The following CD247 variants were observed in gnomAD, a reference collection of about 807,000 sequenced individuals.
CD247 encodes the protein T-cell surface glycoprotein CD3 zeta chain.
In CD247, 13 loss-of-function variants were observed where a neutral mutation model predicts 30.0. That is an observed-to-expected ratio of 0.43 (90% CI 0.28 to 0.69). The LOEUF (loss-of-function observed/expected upper bound fraction) is 0.69, where lower values mean the gene tolerates loss of function less well. Among genes scored for constraint, CD247 ranks in the 30% least tolerant of loss-of-function variants. CD247 has a pLI of 0.16. For missense variants in CD247, 193 were observed against 212.6 expected (o/e 0.91, Z 0.57); for synonymous variants, 72 against 80.0 (o/e 0.90, Z 0.53).
intron 1 of CD247, chr1:167,457,292 G>C (rs535914079): frequency 1.3e-5 from 2 of 152,466 alleles, no homozygotes; most frequent in Admixed American, 1.3e-4. Context: ...GGACCTGGGC[G>C]CTCTGTAGCA....
chr1:167,495,216 G>A (rs564263495), intron 1 of CD247, among the ~76,000 whole-genome samples: 32 of 152,184 alleles, frequency 2.1e-4, no homozygotes, highest in Admixed American at 1.2e-3. Context: ...TGTGGTCTAC[G>A]ATATGTTACA....
intron 1 of CD247, among the ~76,000 whole-genome samples, chr1:167,505,262 CT>C (rs1469992771): frequency 6.6e-6 from 1 of 152,086 alleles, no homozygotes; most frequent in Non-Finnish European, 1.5e-5. Context: ...TCCTGAGTAG[CT>C]TTTTTTGTTG....
At chr1:167,438,834 G>A (rs79939937) in intron 3 of CD247, among the ~76,000 whole-genome samples, 184 bp from the exon 4 acceptor site, 1 of 152,082 alleles carries the variant, frequency 6.6e-6, no homozygotes, top group African/African-American at 2.4e-5. Flanking sequence ...CAGAGAACAC[G>A]CCTTAACATG....
chr1:167,500,238 G>A (rs1654849053), intron 1 of CD247, among the ~76,000 whole-genome samples: 1 of 152,200 alleles, frequency 6.6e-6, no homozygotes, highest in South Asian at 2.1e-4. Flanking sequence ...GAGCATTTAT[G>A]ATGCAGCTTT....
intron 1 of CD247, among the ~76,000 whole-genome samples, chr1:167,442,142 T>C (rs1340219321): frequency 6.6e-6 from 1 of 152,182 alleles, no homozygotes; most frequent in Non-Finnish European, 1.5e-5. Flanking sequence ...GTGTTTTTAT[T>C]TGGAACATCA....
chr1:167,439,553 G>A (rs1651721489), intron 2 of CD247, 153 bp from the exon 3 acceptor site: 3 of 680,106 alleles, frequency 4.4e-6, no homozygotes, highest in Admixed American at 2.4e-5. Flanking sequence ...CCCTTGCAGG[G>A]GCCGGGGCGT....
chr1:167,437,061 G>A (rs1486627480), intron 4 of CD247, among the ~76,000 whole-genome samples: 2 of 152,058 alleles, frequency 1.3e-5, no homozygotes, highest in Non-Finnish European at 1.5e-5. Flanking sequence ...CAATAACCAC[G>A]GCTGGGCGCG....
intron 7 of CD247, among the ~76,000 whole-genome samples, chr1:167,432,588 C>T (rs944146): frequency 0.99 from 150,576 of 152,360 alleles, 74,434 homozygotes; most frequent in Middle Eastern, 1. Flanking sequence ...CATTTTCTTT[C>T]TGAAGCTGCC....
In CD247 at chr1:167,494,627, T is replaced by C. The variant is rs1282219699; in HGVS notation, c.58+23781A>G. Among the ~76,000 whole-genome samples, 1 of 152,180 alleles carries C rather than the reference T, an allele frequency of 6.6e-6. No homozygotes were observed. Among genetic ancestry groups the C allele is most frequent in the Non-Finnish European group, 1.5e-5 (1 of 68,034 alleles). ...GGTCTTATTGCTGTGTTTTCCTAAT[T>C]GTATTTTGCACTGTGGCTTTACACA... On this transcript the variant is annotated intron_variant, in intron 1 of 7. Transcript: ENST00000362089. This position sits in a 1 kb window ranked among gnomAD's most constrained non-coding sequence, Gnocchi z 7.3.
At chr1:167,516,092 A>G (rs1021007293) in intron 1 of CD247, among the ~76,000 whole-genome samples, 1 of 152,226 alleles carries the variant, frequency 6.6e-6, no homozygotes, top group African/African-American at 2.4e-5. Flanking sequence ...ACGTCCAGCC[A>G]CCTTCCTAAA....
intron 1 of CD247, among the ~76,000 whole-genome samples, chr1:167,507,222 A>AT (rs766016142): frequency 0.011 from 1,574 of 145,038 alleles, 14 homozygotes; most frequent in African/African-American, 0.022. Flanking sequence ...CCTGGCCTGA[A>AT]TTTTTTTTTT....
intron 4 of CD247, among the ~76,000 whole-genome samples, chr1:167,436,801 C>A (rs116847445): frequency 6.6e-6 from 1 of 151,758 alleles, no homozygotes; most frequent in African/African-American, 2.4e-5. Flanking sequence ...TGTTAGGGTG[C>A]GCATTACCAA....
Position 167,434,897 on chromosome 1 carries a change from T to C in CD247, c.336+502A>G, listed in dbSNP as rs1031187415. On this transcript the variant is annotated intron_variant, in intron 5 of 7. Transcript: ENST00000362089. Reference sequence around the variant, plus strand: ...GACCACAGAGTGAGGAGCAACCGCCTTCCTCTGGAGCCCTCCTCCAGCCCT... The same window carrying C: ...GACCACAGAGTGAGGAGCAACCGCCCTCCTCTGGAGCCCTCCTCCAGCCCT... 8.5e-6 allele frequency: 4 copies of C among 467,936 alleles called. No homozygotes were observed. In the East Asian group the frequency reaches 1.9e-4, roughly 22 times the overall value. The allele number at this position is 467,936 out of a possible 1,614,324, so 29.0% of individuals were successfully genotyped here.
At chr1:167,501,998 C>G (rs942866430) in intron 1 of CD247, among the ~76,000 whole-genome samples, 2 of 152,204 alleles carry the variant, frequency 1.3e-5, no homozygotes, top group Non-Finnish European at 2.9e-5. Flanking sequence ...CCGGTGCTCC[C>G]GAGATGGGAG....
intron 1 of CD247, among the ~76,000 whole-genome samples, chr1:167,475,874 T>TA (rs1381393239): frequency 1.3e-5 from 2 of 152,138 alleles, no homozygotes; most frequent in Non-Finnish European, 2.9e-5. Context: ...CTTTGTTGGA[T>TA]AAAATGAACT....
chr1:167,465,100 C>T (rs77166670), intron 1 of CD247, among the ~76,000 whole-genome samples: 3,586 of 151,980 alleles, frequency 0.024, 101 homozygotes, highest in East Asian at 0.14. Flanking sequence ...ATATTTATTT[C>T]TTTCCTTCCT....
At position 167,462,555 on chromosome 1, in the gene CD247, G is replaced by C. The variant is rs144786894; in HGVS notation, c.59-21788C>G. 5.7e-3 allele frequency among the ~76,000 whole-genome samples: 864 copies of C among 152,330 alleles called. 3 individuals are homozygous for C. The highest frequency in any genetic ancestry group is 0.012 in the South Asian group (56 of 4,830). On this transcript the variant is annotated intron_variant, in intron 1 of 7. Transcript: ENST00000362089. ...TACATACACGAGAACCCAAGGGAGAGAGCTGCACAGGGGGCCTGCCCTGGT... is the reference window on the plus strand; with the variant it reads ...TACATACACGAGAACCCAAGGGAGACAGCTGCACAGGGGGCCTGCCCTGGT...
intron 1 of CD247, among the ~76,000 whole-genome samples, chr1:167,484,605 C>T (rs999047784): frequency 5.3e-5 from 8 of 152,260 alleles, no homozygotes; most frequent in East Asian, 1.9e-4. Context: ...GATGAAACCC[C>T]GTCTCTACTA....
At chr1:167,454,895 C>T (rs1216115527) in intron 1 of CD247, among the ~76,000 whole-genome samples, 1 of 152,244 alleles carries the variant, frequency 6.6e-6, no homozygotes, top group Non-Finnish European at 1.5e-5. Context: ...TGGGATCCGT[C>T]CTGCCGGTCC....
Sources: allele counts gnomAD v4.1 joint callset (sites outside exome capture counted in the v4.1 genomes callset), GRCh38; gene constraint gnomAD v4.1.1; non-coding constraint Gnocchi (gnomAD v3.1); transcripts MANE v1.5; gene names NCBI Gene and HGNC (gene_info 2026-07-23, HGNC 2026-07-21).